Variants in SLC35F3 observed in about 807,000 individuals in gnomAD.
SLC35F3 encodes the protein solute carrier family 35 member F3.
Under a neutral mutation model 49.9 loss-of-function variants are expected in SLC35F3, and 25 were observed. The ratio of observed to expected loss-of-function variants is 0.50; its 90% CI spans 0.37 to 0.70. The LOEUF (loss-of-function observed/expected upper bound fraction) is 0.70, where lower values mean the gene tolerates loss of function less well. Among genes scored for constraint, SLC35F3 ranks in the 30% least tolerant of loss-of-function variants. The pLI is 0.00. For missense variants in SLC35F3, 525 were observed against 639.8 expected (o/e 0.82, Z 1.94); for synonymous variants, 275 against 265.4 (o/e 1.04, Z -0.35).
Position 233,929,079 on chromosome 1 carries a change from G to A in SLC35F3, c.283+23321G>A, listed in dbSNP as rs567286945. 7.9e-5 allele frequency among the ~76,000 whole-genome samples: 12 copies of A among 152,310 alleles called. No homozygotes were observed. In the South Asian group the frequency reaches 2.5e-3, roughly 32 times the overall value. On this transcript the variant is annotated intron_variant, in intron 2 of 7. Coordinates refer to ENST00000366618, the MANE Select transcript of SLC35F3 (RefSeq NM_173508.4). ...AAGTCTCATGGTCAACCCCAAGTCA[G>A]AGGGCAAGGCAGTACTCTGTCTACC...
intron 2 of SLC35F3, among the ~76,000 whole-genome samples, chr1:234,220,596 T>C (rs1361972227): frequency 6.6e-6 from 1 of 152,126 alleles, no homozygotes; most frequent in East Asian, 1.9e-4. Context: ...GGGGATCAGG[T>C]AACCCACTCT....
At chr1:234,314,973 T>G (rs1252793030) in intron 4 of SLC35F3, among the ~76,000 whole-genome samples, 1 of 152,188 alleles carries the variant, frequency 6.6e-6, no homozygotes, top group Non-Finnish European at 1.5e-5. Context: ...GCTTTCTCAC[T>G]TTTCCCTTTT....
At chr1:234,253,469 G>A (rs1217979740) in intron 3 of SLC35F3, among the ~76,000 whole-genome samples, 2 of 129,476 alleles carry the variant, frequency 1.5e-5, no homozygotes, top group Non-Finnish European at 3.3e-5. Flanking sequence ...AAAAAAAAAA[G>A]GAGAATAGAT....
At chr1:234,221,863 T>C (rs1296595665) in intron 2 of SLC35F3, among the ~76,000 whole-genome samples, 1 of 152,198 alleles carries the variant, frequency 6.6e-6, no homozygotes, top group Non-Finnish European at 1.5e-5. Context: ...AGATCTTCCA[T>C]TGTCTTTTTA....
At position 234,320,243 on chromosome 1, in the gene SLC35F3, C is replaced by T. The variant is rs574810724; in HGVS notation, c.1237+56C>T. The T allele has an allele frequency of 6.4e-6, 8 of 1,242,938 alleles. No individual in the cohort carries two copies. The highest frequency in any genetic ancestry group is 1.5e-5 in the African/African-American group (1 of 67,746). 77.0% of individuals were successfully genotyped at this position (1,242,938 alleles called of 1,614,324 possible). A position where few individuals can be genotyped will look rare whatever the true frequency, so the allele number is the denominator to read the frequency against. ...ATAAGCACACACACTCAGTCACCTACTCACACACACATACACACACTCATG... is the reference window on the plus strand; with the variant it reads ...ATAAGCACACACACTCAGTCACCTATTCACACACACATACACACACTCATG... On this transcript the variant is annotated intron_variant, in intron 7 of 7. Transcript: ENST00000366618. The surrounding 1 kb of genome is among the most constrained non-coding windows in gnomAD (Gnocchi z 4.8).
chr1:233,954,242 G>A (rs7542008), intron 2 of SLC35F3, among the ~76,000 whole-genome samples: 38,496 of 152,068 alleles, frequency 0.25, 6,297 homozygotes, highest in African/African-American at 0.47. Context: ...TCCTGACCTC[G>A]TGATCCGCCC....
chr1:234,123,553 G>A (rs2102894505), intron 2 of SLC35F3, among the ~76,000 whole-genome samples: 1 of 151,628 alleles, frequency 6.6e-6, no homozygotes, highest in African/African-American at 2.4e-5. Flanking sequence ...GGGACTACAG[G>A]CGTGTGCCAC....
intron 2 of SLC35F3, among the ~76,000 whole-genome samples, chr1:234,209,876 G>C (rs1667025037): frequency 6.6e-6 from 1 of 152,116 alleles, no homozygotes; most frequent in African/African-American, 2.4e-5. Flanking sequence ...AACAATATTT[G>C]TTAACTATTT....
At chr1:234,016,546 G>T (rs1179240878) in intron 2 of SLC35F3, among the ~76,000 whole-genome samples, 1 of 152,164 alleles carries the variant, frequency 6.6e-6, no homozygotes, top group Non-Finnish European at 1.5e-5. Flanking sequence ...AGCCACACAT[G>T]GAAAGACAAA....
chr1:233,945,298 A>C (rs974648402), intron 2 of SLC35F3, among the ~76,000 whole-genome samples: 6 of 152,140 alleles, frequency 3.9e-5, no homozygotes, highest in African/African-American at 1.2e-4. Flanking sequence ...CACAGTTGGA[A>C]GTCCCCAGTA....
At chr1:234,262,741 T>A (rs578139320) in intron 3 of SLC35F3, among the ~76,000 whole-genome samples, 1 of 152,188 alleles carries the variant, frequency 6.6e-6, no homozygotes, top group Non-Finnish European at 1.5e-5. Flanking sequence ...CCGGTTGTGG[T>A]CTGAGGGCAG....
At chr1:233,982,981 C>T (rs905804237) in intron 2 of SLC35F3, among the ~76,000 whole-genome samples, 1 of 152,130 alleles carries the variant, frequency 6.6e-6, no homozygotes, top group Non-Finnish European at 1.5e-5. Context: ...CAGGATATGA[C>T]CAGGAGCAGG....
chr1:234,159,271 A>G (rs913476577), intron 2 of SLC35F3, among the ~76,000 whole-genome samples: 1 of 152,156 alleles, frequency 6.6e-6, no homozygotes, highest in African/African-American at 2.4e-5. Flanking sequence ...ACCTACTGGC[A>G]CTTCAGACAC....
chr1:234,001,932 A>G (rs906900851), intron 2 of SLC35F3, among the ~76,000 whole-genome samples: 3 of 152,152 alleles, frequency 2.0e-5, no homozygotes, highest in Non-Finnish European at 4.4e-5. Context: ...AAGGCTTACT[A>G]TGAGCACTTA....
chr1:233,967,381 A>T (rs569645330), intron 2 of SLC35F3, among the ~76,000 whole-genome samples: 1 of 152,350 alleles, frequency 6.6e-6, no homozygotes, highest in East Asian at 1.9e-4. Context: ...TTACCTTATT[A>T]GATAAGAATT....
chr1:234,174,384 G>A (rs1266936650), intron 2 of SLC35F3, among the ~76,000 whole-genome samples: 1 of 152,200 alleles, frequency 6.6e-6, no homozygotes, highest in Non-Finnish European at 1.5e-5. Context: ...AAAACTGGTT[G>A]TTTTACTCAC....
At chr1:234,169,204 C>T (rs1666362082) in intron 2 of SLC35F3, among the ~76,000 whole-genome samples, 1 of 152,170 alleles carries the variant, frequency 6.6e-6, no homozygotes. Context: ...GGATGCCCAC[C>T]CGCATTGGCA....
intron 2 of SLC35F3, among the ~76,000 whole-genome samples, chr1:234,165,275 G>T (rs1666297037): frequency 6.6e-6 from 1 of 152,020 alleles, no homozygotes; most frequent in African/African-American, 2.4e-5. Context: ...CAGCAAAGGA[G>T]TTTATTTAAC....
intron 2 of SLC35F3, among the ~76,000 whole-genome samples, chr1:234,204,425 T>C (rs192918154): frequency 1.3e-5 from 2 of 152,332 alleles, no homozygotes; most frequent in East Asian, 3.9e-4. Context: ...TATTATCTTG[T>C]TGATACACTC....
Sources: allele counts gnomAD v4.1 joint callset (sites outside exome capture counted in the v4.1 genomes callset), GRCh38; gene constraint gnomAD v4.1.1; non-coding constraint Gnocchi (gnomAD v3.1); transcripts MANE v1.5; gene names NCBI Gene and HGNC (gene_info 2026-07-23, HGNC 2026-07-21).